LYPLAL1: variants seen among roughly 807,000 people sequenced by gnomAD.
LYPLAL1 encodes lysophospholipase like 1, also known as lysophospholipase-like protein 1.
Under a neutral mutation model 19.7 loss-of-function variants are expected in LYPLAL1, and 23 were observed. The observed-to-expected ratio is 1.17, with a 90% CI of 0.84 to 1.65. The LOEUF (loss-of-function observed/expected upper bound fraction) is 1.65. Ranked by LOEUF, LYPLAL1 falls within the 40% of genes most tolerant of loss-of-function variation. The probability of loss-of-function intolerance (pLI) is 0.00; values close to 1 mark genes in which losing one functional copy is unlikely to be tolerated. For missense variants in LYPLAL1, 355 were observed against 279.4 expected (o/e 1.27, Z -1.93); for synonymous variants, 119 against 96.3 (o/e 1.24, Z -1.38).
chr1:219,188,055 A>G (rs1656866760), intron 2 of LYPLAL1, among the ~76,000 whole-genome samples: 1 of 151,826 alleles, frequency 6.6e-6, no homozygotes, highest in Admixed American at 6.6e-5. Context: ...ATAATTTTAG[A>G]CATTGTTATT....
the LYPLAL1 span, among the ~76,000 whole-genome samples, chr1:219,381,512 G>A: frequency 6.6e-6 from 1 of 152,034 alleles, no homozygotes; most frequent in Non-Finnish European, 1.5e-5. Flanking sequence ...GCTCTTAGTG[G>A]GGACAAAATA....
At chr1:219,375,350 C>T in the LYPLAL1 span, among the ~76,000 whole-genome samples, 12 of 151,984 alleles carry the variant, frequency 7.9e-5, no homozygotes, top group African/African-American at 2.9e-4. Flanking sequence ...CCTGCAATCC[C>T]AGCTACTCAG....
the LYPLAL1 span, among the ~76,000 whole-genome samples, chr1:219,373,999 A>C: frequency 1.3e-5 from 2 of 152,094 alleles, no homozygotes; most frequent in Non-Finnish European, 2.9e-5. Flanking sequence ...ATTTTTAATC[A>C]TACAGTTTAT....
downstream of LYPLAL1, among the ~76,000 whole-genome samples, chr1:219,215,278 T>C (rs1176331808): frequency 6.6e-6 from 1 of 152,180 alleles, no homozygotes. Flanking sequence ...GTTTTAAACA[T>C]GTTGTTTTCC....
At chr1:219,337,513 G>T in the LYPLAL1 span, among the ~76,000 whole-genome samples, 1 of 152,012 alleles carries the variant, frequency 6.6e-6, no homozygotes, top group East Asian at 1.9e-4. Context: ...TGGGAGATTT[G>T]CAAGTAAGTA....
At chr1:219,193,884 G>C (rs949449602) in intron 3 of LYPLAL1, among the ~76,000 whole-genome samples, 1 of 151,812 alleles carries the variant, frequency 6.6e-6, no homozygotes, top group African/African-American at 2.4e-5. Context: ...TGGTGAAAGG[G>C]TTTTATTTCC....
the LYPLAL1 span, among the ~76,000 whole-genome samples, chr1:219,396,819 G>A: frequency 3.3e-5 from 5 of 152,184 alleles, no homozygotes; most frequent in African/African-American, 1.2e-4. Flanking sequence ...GGCCGAGACT[G>A]TGGAATTTGG....
At chr1:219,243,177 C>T in the LYPLAL1 span, among the ~76,000 whole-genome samples, 39 of 152,206 alleles carry the variant, frequency 2.6e-4, no homozygotes, top group East Asian at 4.4e-3. Context: ...ATTTACAACA[C>T]GGTGGCTTTA....
At chr1:219,221,916 C>T in the LYPLAL1 span, among the ~76,000 whole-genome samples, 3 of 152,130 alleles carry the variant, frequency 2.0e-5, no homozygotes, top group Admixed American at 2.0e-4. Context: ...ATAGAGGGCT[C>T]AACACTCACG....
the LYPLAL1 span, among the ~76,000 whole-genome samples, chr1:219,369,111 C>G: frequency 6.6e-6 from 1 of 152,140 alleles, no homozygotes; most frequent in Non-Finnish European, 1.5e-5. Context: ...ATATAGCTCT[C>G]CCACATAACA....
the LYPLAL1 span, among the ~76,000 whole-genome samples, chr1:219,388,155 CA>C: frequency 1.3e-3 from 205 of 152,332 alleles, no homozygotes; most frequent in African/African-American, 3.8e-3. Context: ...CTGCACATAG[CA>C]CAGTGCCTTA....
the LYPLAL1 span, among the ~76,000 whole-genome samples, chr1:219,243,152 G>T: frequency 6.6e-6 from 1 of 152,192 alleles, no homozygotes; most frequent in Non-Finnish European, 1.5e-5. Context: ...GATCATGGCT[G>T]TGGATTTCAG....
the LYPLAL1 span, among the ~76,000 whole-genome samples, chr1:219,229,987 G>T: frequency 6.6e-6 from 1 of 152,102 alleles, no homozygotes; most frequent in South Asian, 2.1e-4. Context: ...TATTATTAAG[G>T]TTACCACACA....
the LYPLAL1 span, among the ~76,000 whole-genome samples, chr1:219,229,094 A>T: frequency 6.6e-6 from 1 of 152,008 alleles, no homozygotes; most frequent in African/African-American, 2.4e-5. Flanking sequence ...AAGGGTAAAT[A>T]ATTTGCCTAA....
At chr1:219,412,542 C>A in the LYPLAL1 span, among the ~76,000 whole-genome samples, 2 of 152,204 alleles carry the variant, frequency 1.3e-5, no homozygotes, top group African/African-American at 4.8e-5. Flanking sequence ...ACCTGTCACA[C>A]AGCAAAAGCT....
chr1:219,404,963 G>C, the LYPLAL1 span, among the ~76,000 whole-genome samples: 1 of 152,112 alleles, frequency 6.6e-6, no homozygotes, highest in Non-Finnish European at 1.5e-5. Context: ...CCATCCATTG[G>C]TAAGTTTTTG....
chr1:219,405,046 A>C, the LYPLAL1 span, among the ~76,000 whole-genome samples: 1 of 152,354 alleles, frequency 6.6e-6, no homozygotes, highest in South Asian at 2.1e-4. Context: ...TCATCTATTT[A>C]ATCAATAAAC....
chr1:219,407,216 CAA>C, the LYPLAL1 span, among the ~76,000 whole-genome samples: 1 of 151,570 alleles, frequency 6.6e-6, no homozygotes, highest in South Asian at 2.1e-4. Flanking sequence ...GCTAGGAAAA[CAA>C]AAAAAATGAT....
the LYPLAL1 span, among the ~76,000 whole-genome samples, chr1:219,266,748 G>T: frequency 6.6e-6 from 1 of 152,010 alleles, no homozygotes; most frequent in Non-Finnish European, 1.5e-5. Context: ...TTAAGGATAG[G>T]GCTTGTTTAG....
Sources: allele counts gnomAD v4.1 joint callset (sites outside exome capture counted in the v4.1 genomes callset), GRCh38; gene constraint gnomAD v4.1.1; transcripts MANE v1.5; gene names NCBI Gene and HGNC (gene_info 2026-07-23, HGNC 2026-07-21).